Variants in KIF21A observed in about 807,000 individuals in gnomAD.
The protein encoded by KIF21A is kinesin-like protein KIF21A.
In KIF21A, 114 loss-of-function variants were observed where a neutral mutation model predicts 202.9. The ratio of observed to expected loss-of-function variants is 0.56; its 90% CI spans 0.48 to 0.66. The LOEUF (loss-of-function observed/expected upper bound fraction) is 0.66. KIF21A is among the 30% of genes least tolerant of loss of function. The pLI is 0.00. For synonymous variants in KIF21A, 667 were observed against 670.8 expected (o/e 0.99, Z 0.09); for missense variants, 1,677 against 1,994.9 (o/e 0.84, Z 3.04).
intron 34 of KIF21A, 37 bp downstream of exon 34, chr12:39,307,528 C>T: frequency 6.3e-7 from 1 of 1,594,674 alleles, no homozygotes; most frequent in Non-Finnish European, 8.6e-7. Flanking sequence ...GTTGTATTTG[C>T]CATAGGCAAG....
At chr12:39,356,616 TA>T (rs1565934867) in intron 10 of KIF21A, 1 of 426,608 alleles carries the variant, frequency 2.3e-6, no homozygotes, top group Non-Finnish European at 4.2e-6. Flanking sequence ...GCAGTAAGAG[TA>T]GGAGAATAAT....
chr12:39,382,783 T>G (rs1209094263), intron 1 of KIF21A, among the ~76,000 whole-genome samples: 1 of 152,152 alleles, frequency 6.6e-6, no homozygotes, highest in Non-Finnish European at 1.5e-5. Flanking sequence ...ACAAGCCATA[T>G]TTTCCTAAAT....
Position 39,322,776 on chromosome 12 carries a change from G to A in KIF21A, c.3563C>T (p.Pro1188Leu), listed in dbSNP as rs1945420673. 6.2e-7 allele frequency: 1 copy of A among 1,614,156 alleles called. No homozygotes were observed. The highest frequency in any genetic ancestry group is 8.5e-7 in the Non-Finnish European group (1 of 1,180,012). Reference sequence around the variant, plus strand: ...TCCAATCTCTTGCCCTTCTGCAACAGGTGTGAGAGGGCCAGGCAAGGAGGC... The same window carrying A: ...TCCAATCTCTTGCCCTTCTGCAACAAGTGTGAGAGGGCCAGGCAAGGAGGC... Reference protein sequence around the residue: ...GDASLPGPLTPVAEGQEIGMN... With the variant: ...GDASLPGPLTLVAEGQEIGMN... The change falls in exon 27 of 38, where the codon CCT (proline) becomes CTT (leucine). Residue 1188 changes from proline (P) to leucine (L), a missense_variant. Around this residue, in one of 3 missense-constraint regions of KIF21A, gnomAD observed 705 missense variants for 791.9 expected, o/e 0.89. Coordinates refer to ENST00000361418, the MANE Select transcript of KIF21A (RefSeq NM_001173464.2).
chr12:39,415,220 G>GT (rs11403006), intron 1 of KIF21A, among the ~76,000 whole-genome samples: 12,950 of 140,644 alleles, frequency 0.092, 1,525 homozygotes, highest in African/African-American at 0.27. Flanking sequence ...TAAAAGTCTG[G>GT]TAGAGAATGC....
intron 33 of KIF21A, among the ~76,000 whole-genome samples, chr12:39,308,106 C>T (rs1468523373): frequency 6.6e-6 from 1 of 151,938 alleles, no homozygotes; most frequent in Admixed American, 6.6e-5. Context: ...TAGTGGCTCA[C>T]TCCTGTAATC....
At chr12:39,309,532 A>G in intron 33 of KIF21A, 54 bp downstream of exon 33, 1 of 1,335,362 alleles carries the variant, frequency 7.5e-7, no homozygotes, top group South Asian at 1.3e-5. Flanking sequence ...TGTAAAAAAA[A>G]AAAAAAAAGA....
intron 1 of KIF21A, among the ~76,000 whole-genome samples, chr12:39,370,938 C>T (rs1224666012): frequency 1.3e-5 from 2 of 152,050 alleles, no homozygotes; most frequent in African/African-American, 4.8e-5. Context: ...CCCATGGATA[C>T]CAAAATCCGC....
chr12:39,332,976 T>C lies in KIF21A; in HGVS notation c.2619A>G (p.Ala873=), dbSNP rs1946638740. 1 of 1,614,204 alleles carries C rather than the reference T, an allele frequency of 6.2e-7. No individual in the cohort carries two copies. The highest frequency in any genetic ancestry group is 8.5e-7 in the Non-Finnish European group (1 of 1,180,026). ...GSSAAAVETD[A]SRTGAQQKMR... is the part of the protein sequence containing the mutation. ...TTTTCTGCTGGGCTCCTGTCCTTGATGCATCTGTTTCGACAGCAGCTGCAC... is the reference window on the plus strand; with the variant it reads ...TTTTCTGCTGGGCTCCTGTCCTTGACGCATCTGTTTCGACAGCAGCTGCAC... The change falls in exon 19 of 38, where the codon GCA becomes GCG. Residue 873 remains alanine, a synonymous_variant. Coordinates refer to ENST00000361418, the MANE Select transcript of KIF21A (RefSeq NM_001173464.2).
intron 6 of KIF21A, among the ~76,000 whole-genome samples, chr12:39,364,265 T>C (rs769986625): frequency 6.6e-6 from 1 of 152,154 alleles, no homozygotes; most frequent in Non-Finnish European, 1.5e-5. Context: ...ATCACACTTT[T>C]TCATCATTCC....
intron 18 of KIF21A, 33 bp downstream of exon 18, chr12:39,333,179 G>T: frequency 6.2e-7 from 1 of 1,607,824 alleles, no homozygotes; most frequent in South Asian, 1.1e-5. Context: ...AAGTCAGAAG[G>T]TTTCTTCCAA....
intron 1 of KIF21A, among the ~76,000 whole-genome samples, chr12:39,434,629 T>C (rs1299108552): frequency 6.6e-6 from 1 of 152,242 alleles, no homozygotes; most frequent in Non-Finnish European, 1.5e-5. Flanking sequence ...CATTTTATTA[T>C]AGCACATTGC....
At chr12:39,357,787 A>G (rs573745283) in intron 8 of KIF21A, among the ~76,000 whole-genome samples, 58 of 151,318 alleles carry the variant, frequency 3.8e-4, no homozygotes, top group African/African-American at 1.3e-3. Flanking sequence ...GCGGGTGCCT[A>G]TAATCCCAGC....
chr12:39,389,605 G>T (rs1951200352), intron 1 of KIF21A, among the ~76,000 whole-genome samples: 1 of 152,148 alleles, frequency 6.6e-6, no homozygotes. Context: ...AACTTTGGAA[G>T]ATAAGACACA....
chr12:39,340,765 C>T (rs1947372131), intron 15 of KIF21A, 141 bp downstream of exon 15: 1 of 662,430 alleles, frequency 1.5e-6, no homozygotes. Flanking sequence ...AAGGCACAAA[C>T]TTTGACTTGC....
chr12:39,312,403 G>A (rs1656485219), intron 31 of KIF21A: 1 of 152,016 alleles, frequency 6.6e-6, no homozygotes, highest in East Asian at 1.9e-4. Context: ...GAGAGGTGGG[G>A]ATGTTTAATG....
chr12:39,384,266 A>G (rs1950799442), intron 1 of KIF21A, among the ~76,000 whole-genome samples: 1 of 152,214 alleles, frequency 6.6e-6, no homozygotes, highest in African/African-American at 2.4e-5. Context: ...CTATTGTTTT[A>G]AAAGAGCTGT....
chr12:39,434,269 A>T (rs959558926), intron 1 of KIF21A, among the ~76,000 whole-genome samples: 1 of 152,136 alleles, frequency 6.6e-6, no homozygotes, highest in African/African-American at 2.4e-5. Context: ...TAACAAAGCC[A>T]CTCTCAAGAA....
intron 1 of KIF21A, among the ~76,000 whole-genome samples, chr12:39,425,421 T>C (rs1404734141): frequency 6.6e-6 from 1 of 152,120 alleles, no homozygotes; most frequent in Admixed American, 6.6e-5. Flanking sequence ...GTAAATTATA[T>C]TTTTCACCTC....
At chr12:39,308,279 T>G (rs1445823022) in intron 33 of KIF21A, among the ~76,000 whole-genome samples, 1 of 151,572 alleles carries the variant, frequency 6.6e-6, no homozygotes, top group Non-Finnish European at 1.5e-5. Flanking sequence ...TCCCAGCTAC[T>G]CGGGAGGCTG....
Sources: gnomAD v4.1 joint callset for allele counts (sites outside exome capture counted in the v4.1 genomes callset) on GRCh38, gnomAD v4.1.1 for gene constraint, gnomAD v4.1.1 regional missense constraint, MANE v1.5 for transcripts, NCBI Gene and HGNC (gene_info 2026-07-23, HGNC 2026-07-21) for gene names.